Variants in PDIA6 observed in about 807,000 individuals in gnomAD.
PDIA6 encodes the protein protein disulfide isomerase family A member 6, also known as protein disulfide-isomerase A6.
A neutral mutation model predicts 58.4 loss-of-function variants in PDIA6; 29 were observed. That is an observed-to-expected ratio of 0.50 (90% CI 0.37 to 0.68). The LOEUF (loss-of-function observed/expected upper bound fraction) is 0.68, where lower values mean the gene tolerates loss of function less well. PDIA6 is among the 30% of genes least tolerant of loss of function. The pLI is 0.00. For missense variants in PDIA6, 480 were observed against 551.0 expected, an observed-to-expected ratio of 0.87 and a Z score of 1.29; for synonymous variants, 192 against 202.6, an observed-to-expected ratio of 0.95 and a Z score of 0.44.
intron 1 of PDIA6, among the ~76,000 whole-genome samples, chr2:10,811,183 T>C (rs1666985687): frequency 2.0e-5 from 3 of 152,174 alleles, no homozygotes; most frequent in South Asian, 4.1e-4. Flanking sequence ...ACTAAACTCT[T>C]TTCCCCTCAT....
chr2:10,789,907 G>T lies in PDIA6; in HGVS notation c.700-18C>A. Reference sequence around the variant, plus strand: ...CCTCTAATCTATTAAAAAAAGGTCAGAGGATAAAATCCAATTAACACTTAA... The same window carrying T: ...CCTCTAATCTATTAAAAAAAGGTCATAGGATAAAATCCAATTAACACTTAA... On this transcript the variant is annotated intron_variant, in intron 7 of 12. Transcript: ENST00000272227. 2 of 1,605,400 alleles carry T rather than the reference G, an allele frequency of 1.2e-6. No individual in the cohort carries two copies. The highest frequency in any genetic ancestry group is 1.7e-6 in the Non-Finnish European group (2 of 1,173,696).
At chr2:10,835,276 G>C (rs1272368716), upstream of PDIA6, among the ~76,000 whole-genome samples, 1 of 152,162 alleles carries the variant, frequency 6.6e-6, no homozygotes, top group Non-Finnish European at 1.5e-5. Flanking sequence ...GGAAAGGCTG[G>C]GGACTCCAGG....
intron 8 of PDIA6, among the ~76,000 whole-genome samples, chr2:10,789,335 C>G (rs990643523): frequency 3.0e-5 from 4 of 133,202 alleles, no homozygotes; most frequent in African/African-American, 1.2e-4. Flanking sequence ...GGCTCTGTGC[C>G]TCAATTTCCC....
At chr2:10,806,628 C>CAAAGAAAGAAAGAAAGAAA (rs142782761) in intron 1 of PDIA6, among the ~76,000 whole-genome samples, 3 of 70,416 alleles carry the variant, frequency 4.3e-5, no homozygotes, top group South Asian at 5.2e-4. Flanking sequence ...AAAATAAAGA[C>CAAAGAAAGAAAGAAAGAAA]AGAAAGAAAG....
intron 10 of PDIA6, among the ~76,000 whole-genome samples, chr2:10,788,030 C>T (rs1389001295): frequency 6.7e-6 from 1 of 148,530 alleles, no homozygotes; most frequent in African/African-American, 2.5e-5. Flanking sequence ...TGTGCCACTG[C>T]ACTCCACCCT....
rs560378067 is a variant in PDIA6 at position 10,787,394 on chromosome 2, C to T, written c.1044G>A (p.Ala348=). 39 of 1,614,010 alleles carry T rather than the reference C, an allele frequency of 2.4e-5. No individual in the cohort carries two copies. The highest frequency in any genetic ancestry group is 4.4e-5 in the South Asian group (4 of 91,080). The part of the protein sequence containing the change: ...EAGAQSELET[A]LGIGGFGYPA... ...GGTACCCAAACCCTCCAATCCCCAA[C>T]GCGGTCTCAAGTTCAGACTGGGCTC... The change falls in exon 11 of 13, where the codon GCG becomes GCA. Residue 348 remains alanine, a synonymous_variant. Coordinates refer to ENST00000272227, the MANE Select transcript of PDIA6 (RefSeq NM_005742.4).
Position 10,794,683 on chromosome 2 carries a change from C to G in PDIA6, c.347-1481G>C, listed in dbSNP as rs1357296629. Among the ~76,000 whole-genome samples, 4 of 151,840 alleles carry G rather than the reference C, an allele frequency of 2.6e-5. No individual in the cohort carries two copies. In the East Asian group the frequency reaches 7.8e-4, roughly 30 times the overall value. On this transcript the variant is annotated intron_variant, in intron 4 of 12. Transcript: ENST00000272227. ...GTGGCTCACGCCTGTAATCCCAGCA[C>G]TTTGGGAGGCCGAGGCAGGCGGATC... is the stretch of plus-strand genomic sequence containing the variant.
chr2:10,803,921 T>TTTTTTTTTTTTC, intron 1 of PDIA6, among the ~76,000 whole-genome samples: 1 of 147,328 alleles, frequency 6.8e-6, no homozygotes, highest in South Asian at 2.2e-4. Flanking sequence ...GTTTTTTTTT[T>TTTTTTTTTTTTC]TTTTTGAGAC....
chr2:10,830,765 C>T (rs1360414040), intron 1 of PDIA6, among the ~76,000 whole-genome samples: 2 of 152,196 alleles, frequency 1.3e-5, no homozygotes, highest in Admixed American at 6.5e-5. Context: ...CCTGCGCGGG[C>T]GTGGCTGTGC....
intron 5 of PDIA6, among the ~76,000 whole-genome samples, chr2:10,792,796 C>T (rs557037532): frequency 6.6e-6 from 1 of 152,310 alleles, no homozygotes; most frequent in African/African-American, 2.4e-5. Context: ...ATCCCATCCC[C>T]ACTCTGGACC....
chr2:10,785,075 C>G, intron 11 of PDIA6, 45 bp from the exon 12 acceptor site: 2 of 1,276,680 alleles, frequency 1.6e-6, no homozygotes, highest in Non-Finnish European at 2.2e-6. Flanking sequence ...TTACAATGGA[C>G]TGCTGGTGCA....
chr2:10,785,755 A>T (rs1665698312), intron 11 of PDIA6, among the ~76,000 whole-genome samples: 1 of 152,198 alleles, frequency 6.6e-6, no homozygotes, highest in African/African-American at 2.4e-5. Context: ...AGACCAAGTC[A>T]CACTCTTTTG....
chr2:10,783,578 A>C lies in PDIA6; in HGVS notation c.*680T>G. ...TTTTGAGGTTCATTAACAACATAGA[A>C]AGCCTTGAACTGTATAACCAGCTAG... On this transcript the variant is annotated 3_prime_UTR_variant, in exon 13 of 13. Transcript: ENST00000272227. 3.5e-6 allele frequency: 1 copy of C among 284,524 alleles called. No homozygotes were observed. The allele number at this position is 284,524 out of a possible 1,614,324, so 17.6% of individuals were successfully genotyped here.
upstream of PDIA6, among the ~76,000 whole-genome samples, chr2:10,813,893 T>C: frequency 6.6e-6 from 1 of 151,048 alleles, no homozygotes; most frequent in East Asian, 2.0e-4. Context: ...CCCGGCTAAT[T>C]TTTGTATTTT....
chr2:10,801,226 C>A (rs990809576), intron 2 of PDIA6, among the ~76,000 whole-genome samples: 1 of 152,124 alleles, frequency 6.6e-6, no homozygotes, highest in African/African-American at 2.4e-5. Flanking sequence ...TGTAGTGAGC[C>A]GTGATCATGC....
In PDIA6 at chr2:10,812,678, C is replaced by A; in HGVS notation, c.19G>T (p.Gly7Cys). Residue 7 changes from glycine to cysteine, a missense_variant and splice_region_variant, in exon 1 of 13, where the codon GGT becomes TGT. Physicochemically the swap from Gly to Cys is radical, Grantham distance 159 (BLOSUM62 -3). Coordinates refer to ENST00000272227, the MANE Select transcript of PDIA6 (RefSeq NM_005742.4). MALLVL[G>C]LVSCTFFLAV... ...CCTCCCTCCGCTGGCCCGCACCTACCGAGCACCAGGAGAGCCATGCCGAGC... is the reference window on the plus strand; with the variant it reads ...CCTCCCTCCGCTGGCCCGCACCTACAGAGCACCAGGAGAGCCATGCCGAGC... 7 of 1,535,384 alleles carry A rather than the reference C, an allele frequency of 4.6e-6. No homozygotes were observed. The highest frequency in any genetic ancestry group is 6.1e-6 in the Non-Finnish European group (7 of 1,143,300).
intron 10 of PDIA6, 111 bp from the exon 11 acceptor site, chr2:10,787,550 C>G (rs1665830179): frequency 1.0e-6 from 1 of 981,246 alleles, no homozygotes; most frequent in Non-Finnish European, 1.5e-6. Context: ...CGTAGAATGA[C>G]AAATAAAAAC....
chr2:10,830,892 G>T (rs1203714443), intron 1 of PDIA6, among the ~76,000 whole-genome samples: 1 of 152,272 alleles, frequency 6.6e-6, no homozygotes, highest in South Asian at 2.1e-4. Context: ...TGGTCTCCTT[G>T]GGCGCTTGGC....
intron 3 of PDIA6, 62 bp from the exon 4 acceptor site, chr2:10,797,269 CATT>C (rs1300142189): frequency 6.5e-7 from 1 of 1,532,694 alleles, no homozygotes; most frequent in Non-Finnish European, 8.8e-7. Context: ...CACAAGAACT[CATT>C]ATCTGCTTCA....
Sources: gnomAD v4.1 joint callset for allele counts (sites outside exome capture counted in the v4.1 genomes callset) on GRCh38, gnomAD v4.1.1 for gene constraint, MANE v1.5 for transcripts, NCBI Gene and HGNC (gene_info 2026-07-23, HGNC 2026-07-21) for gene names.